XKR9: variants seen among roughly 807,000 people sequenced by gnomAD.
XKR9 encodes the protein XK related 9.
In XKR9, 32 loss-of-function variants were observed where a neutral mutation model predicts 32.0. The observed-to-expected ratio is 1.00, with a 90% confidence interval of 0.76 to 1.34. The LOEUF (loss-of-function observed/expected upper bound fraction) is 1.34. Among genes scored for constraint, XKR9 ranks in the 40% most tolerant of loss-of-function variants. The pLI is 0.00. For missense variants in XKR9, 546 were observed against 429.7 expected (o/e 1.27, Z -2.39); for synonymous variants, 168 against 143.4 (o/e 1.17, Z -1.22).
the XKR9 span, among the ~76,000 whole-genome samples, chr8:70,825,086 G>A: frequency 6.6e-6 from 1 of 151,994 alleles, no homozygotes; most frequent in South Asian, 2.1e-4. Flanking sequence ...TTCTTTGTGT[G>A]AACTCTCTGA....
the XKR9 span, among the ~76,000 whole-genome samples, chr8:71,063,511 C>T: frequency 6.6e-6 from 1 of 151,218 alleles, no homozygotes; most frequent in Non-Finnish European, 1.5e-5. Context: ...TCTGAATTGG[C>T]TTCCTGTATT....
At position 70,730,646 on chromosome 8, in the gene XKR9, A is replaced by G. The variant is rs771917623; in HGVS notation, c.494-3150A>G. Among the ~76,000 whole-genome samples, 3 of 152,128 alleles carry G rather than the reference A, an allele frequency of 2.0e-5. No individual in the cohort carries two copies. In the South Asian group the frequency reaches 6.2e-4, roughly 32 times the overall value. On this transcript the variant is annotated intron_variant, in intron 4 of 4. Coordinates refer to ENST00000408926, the MANE Select transcript of XKR9 (RefSeq NM_001011720.2). ...AGAGAAAGGAAAATTCAAGACAGGA[A>G]CTCAGAAGCGATTGTTGAGGGGAAG...
downstream of XKR9, among the ~76,000 whole-genome samples, chr8:70,740,160 T>C (rs1472282468): frequency 1.3e-5 from 2 of 152,134 alleles, no homozygotes; most frequent in African/African-American, 2.4e-5. Context: ...GGAGGCTTTG[T>C]TCGTTTCTTT....
the XKR9 span, among the ~76,000 whole-genome samples, chr8:70,901,709 G>A: frequency 5.3e-5 from 8 of 152,146 alleles, no homozygotes; most frequent in African/African-American, 1.9e-4. Flanking sequence ...CATTGCTTTT[G>A]GTGTTTTAGT....
At chr8:70,878,746 C>T in the XKR9 span, among the ~76,000 whole-genome samples, 673 of 152,182 alleles carry the variant, frequency 4.4e-3, 18 homozygotes, top group Admixed American at 0.038. Flanking sequence ...GACAGATCAA[C>T]GAGACAGAAA....
chr8:71,033,106 C>T, the XKR9 span, among the ~76,000 whole-genome samples: 1 of 150,372 alleles, frequency 6.7e-6, no homozygotes, highest in South Asian at 2.1e-4. Context: ...AATCAATAAA[C>T]ACAGGGAAAC....
chr8:70,946,091 C>T, the XKR9 span, among the ~76,000 whole-genome samples: 1 of 152,034 alleles, frequency 6.6e-6, no homozygotes, highest in African/African-American at 2.4e-5. Context: ...GCCGAGATCA[C>T]GCCACTGCAC....
chr8:70,798,739 G>C, the XKR9 span, among the ~76,000 whole-genome samples: 2 of 152,228 alleles, frequency 1.3e-5, no homozygotes, highest in Non-Finnish European at 2.9e-5. Flanking sequence ...GTGTAAGGAA[G>C]AGGTCCAGCT....
intron 3 of XKR9, among the ~76,000 whole-genome samples, chr8:70,693,860 A>G (rs1292980633): frequency 1.3e-5 from 2 of 152,190 alleles, no homozygotes; most frequent in African/African-American, 4.8e-5. Context: ...TGTTAGTCCG[A>G]AGGTGGCAAG....
chr8:70,789,875 C>T (rs527627683), intron 3 of XKR9, among the ~76,000 whole-genome samples: 1 of 152,058 alleles, frequency 6.6e-6, no homozygotes, highest in African/African-American at 2.4e-5. Flanking sequence ...GCAGGCAATG[C>T]CAATGCCAAT....
At chr8:70,971,760 C>T in the XKR9 span, among the ~76,000 whole-genome samples, 1 of 151,612 alleles carries the variant, frequency 6.6e-6, no homozygotes, top group South Asian at 2.1e-4. Context: ...TGTCAAAAAT[C>T]AGTTGGGTGT....
the XKR9 span, among the ~76,000 whole-genome samples, chr8:71,040,153 C>T: frequency 5.3e-5 from 8 of 152,046 alleles, no homozygotes; most frequent in African/African-American, 1.9e-4. Flanking sequence ...TGAGAAAAAG[C>T]GAGTGACAGA....
At chr8:70,758,966 G>T (rs931703824) in intron 2 of XKR9, among the ~76,000 whole-genome samples, 2 of 152,140 alleles carry the variant, frequency 1.3e-5, no homozygotes, top group African/African-American at 2.4e-5. Flanking sequence ...ATTATGCAGA[G>T]GTCTACCTAT....
At chr8:70,847,786 C>T in the XKR9 span, among the ~76,000 whole-genome samples, 1 of 151,826 alleles carries the variant, frequency 6.6e-6, no homozygotes, top group Non-Finnish European at 1.5e-5. Flanking sequence ...AATAGAAAAC[C>T]TCAGTAAACC....
the XKR9 span, among the ~76,000 whole-genome samples, chr8:70,874,065 A>C: frequency 1.3e-5 from 2 of 152,194 alleles, no homozygotes; most frequent in Admixed American, 6.5e-5. Flanking sequence ...TAAGAGTAAA[A>C]TATTTTTAAA....
At chr8:71,004,657 C>A in the XKR9 span, among the ~76,000 whole-genome samples, 2 of 152,164 alleles carry the variant, frequency 1.3e-5, no homozygotes, top group African/African-American at 4.8e-5. Context: ...TGGAAGACAT[C>A]CCCACTTGAA....
chr8:70,951,877 G>GT, the XKR9 span, among the ~76,000 whole-genome samples: 1 of 84,312 alleles, frequency 1.2e-5, no homozygotes, highest in Non-Finnish European at 2.3e-5. Flanking sequence ...TGGGGGGGGG[G>GT]TGGTTCTCCT....
At chr8:71,050,270 G>GATAGAT in the XKR9 span, among the ~76,000 whole-genome samples, 26 of 123,720 alleles carry the variant, frequency 2.1e-4, no homozygotes, top group Admixed American at 6.2e-4. Context: ...TAGATAGATA[G>GATAGAT]ATAGATATAG....
At chr8:70,788,117 G>A (rs1807712597) in intron 2 of XKR9, among the ~76,000 whole-genome samples, 1 of 152,034 alleles carries the variant, frequency 6.6e-6, no homozygotes, top group Non-Finnish European at 1.5e-5. Flanking sequence ...GCTGACCAGA[G>A]TTCAAACCTT....
Sources: gnomAD v4.1 joint callset for allele counts (sites outside exome capture counted in the v4.1 genomes callset) on GRCh38, gnomAD v4.1.1 for gene constraint, MANE v1.5 for transcripts, NCBI Gene and HGNC (gene_info 2026-07-23, HGNC 2026-07-21) for gene names.